DPP9: variants seen among roughly 807,000 people sequenced by gnomAD.
DPP9 encodes the protein dipeptidyl peptidase 9, also known as dipeptidyl peptidase IV-related protein-2.
Under a neutral mutation model 110.7 loss-of-function variants are expected in DPP9, and 50 were observed. That is an observed-to-expected ratio of 0.45 (90% CI 0.36 to 0.57). The LOEUF is 0.57. Among genes scored for constraint, DPP9 ranks in the 20% least tolerant of loss-of-function variants. The pLI, the probability that DPP9 is intolerant of heterozygous loss-of-function variation, is 0.00. For missense variants in DPP9, 1,022 were observed against 1,217.9 expected (o/e 0.84, Z 2.39); for synonymous variants, 561 against 514.4 (o/e 1.09, Z -1.23).
At chr19:4,679,682 C>G (rs1490144368) in intron 21 of DPP9, 153 bp downstream of exon 21, 4 of 602,098 alleles carry the variant, frequency 6.6e-6, no homozygotes, top group Non-Finnish European at 1.2e-5. Flanking sequence ...GCTGGGAGGG[C>G]GGGGACACAG....
chr19:4,707,516 C>G (rs1292139693), intron 4 of DPP9, among the ~76,000 whole-genome samples: 1 of 152,034 alleles, frequency 6.6e-6, no homozygotes, highest in Non-Finnish European at 1.5e-5. Context: ...GCCCGGTGCC[C>G]TGGCCCCTCC....
intron 2 of DPP9, among the ~76,000 whole-genome samples, chr19:4,720,397 G>A (rs1045824792): frequency 1.3e-5 from 2 of 152,088 alleles, no homozygotes; most frequent in South Asian, 2.1e-4. Flanking sequence ...TCTGCACGAC[G>A]CACCCCGTGG....
rs571394746 is a variant in DPP9, at chr19:4,718,275, C to T, written c.56+1576G>A. On this transcript the variant is annotated intron_variant, in intron 3 of 21. Transcript: ENST00000262960. This position sits in a 1 kb window ranked among gnomAD's most constrained non-coding sequence, Gnocchi z 4.3. Reference sequence around the variant, plus strand: ...CTGGTGCTTTGGTGGCGAGCGGGGGCGGGGGAGTAGTTGGAGATGGGGGAA... The same window carrying T: ...CTGGTGCTTTGGTGGCGAGCGGGGGTGGGGGAGTAGTTGGAGATGGGGGAA... 1.3e-5 allele frequency among the ~76,000 whole-genome samples: 2 copies of T among 151,584 alleles called. No homozygotes were observed. The highest frequency in any genetic ancestry group is 2.1e-4 in the South Asian group (1 of 4,792).
At chr19:4,706,059 C>T in intron 4 of DPP9, 89 bp from the exon 5 acceptor site, 1 of 1,176,432 alleles carries the variant, frequency 8.5e-7, no homozygotes, top group Non-Finnish European at 1.2e-6. Context: ...AGCTGGTTCC[C>T]TCTGCTTCTA....
At chr19:4,683,320 G>A in intron 19 of DPP9, 157 bp downstream of exon 19, 1 of 1,457,258 alleles carries the variant, frequency 6.9e-7, no homozygotes, top group South Asian at 1.4e-5. Flanking sequence ...GGCCCCGTGG[G>A]GCTGCTGCAG....
chr19:4,695,417 CG>C lies in DPP9; in HGVS notation c.1313del (p.Pro438ArgfsTer53), dbSNP rs778578913. 6.3e-7 allele frequency: 1 copy of C among 1,593,564 alleles called. No homozygotes were observed. The highest frequency in any genetic ancestry group is 1.7e-5 in the Admixed American group (1 of 57,432). On this transcript the variant is annotated frameshift_variant, in exon 12 of 22. Transcript: ENST00000262960. LOFTEE classifies it high-confidence loss of function. This position sits in a 1 kb window ranked among gnomAD's most constrained non-coding sequence, Gnocchi z 4.7. ...SARAVPRNVQPYVVYEEVTNV... is the reference protein window; with the variant it reads ...SARAVPRNVQXYVVYEEVTNV... ...TGGTGACCTCCTCGTACACCACATACGGCTGGACATTCCTGGGGACAGCTCT... is the reference window on the plus strand; with the variant it reads ...TGGTGACCTCCTCGTACACCACATACGCTGGACATTCCTGGGGACAGCTCT...
In DPP9 at chr19:4,687,942, G is replaced by A. The variant is rs947915048; in HGVS notation, c.1885+815C>T. Among the ~76,000 whole-genome samples, 5 of 151,918 alleles carry A rather than the reference G, an allele frequency of 3.3e-5. No individual in the cohort carries two copies. The highest frequency in any genetic ancestry group is 4.2e-4 in the South Asian group (2 of 4,818). Reference sequence around the variant, plus strand: ...CCTCCCGAGTAGTGGGACTACAGGCGCCCGCCACCATGCTCGGCTAATTTT... The same window carrying A: ...CCTCCCGAGTAGTGGGACTACAGGCACCCGCCACCATGCTCGGCTAATTTT... On this transcript the variant is annotated intron_variant, in intron 16 of 21. Coordinates refer to ENST00000262960, the MANE Select transcript of DPP9 (RefSeq NM_139159.5). This position sits in a 1 kb window ranked among gnomAD's most constrained non-coding sequence, Gnocchi z 4.7.
At position 4,700,866 on chromosome 19, in the gene DPP9, C is replaced by T. The variant is rs886432949; in HGVS notation, c.1013-589G>A. Among the ~76,000 whole-genome samples, 7 of 152,186 alleles carry T rather than the reference C, an allele frequency of 4.6e-5. No individual in the cohort carries two copies. The highest frequency in any genetic ancestry group is 2.1e-4 in the South Asian group (1 of 4,830). ...ATGCTTATTTTTTTGGCTAGACCTA[C>T]GAGAAACTCAACTCCAGCCCTCGTG... On this transcript the variant is annotated intron_variant, in intron 9 of 21. Transcript: ENST00000262960. The surrounding 1 kb of genome is among the most constrained non-coding windows in gnomAD (Gnocchi z 4.3).
At chr19:4,677,905 A>G (rs746466698) in intron 21 of DPP9, among the ~76,000 whole-genome samples, 31 of 152,144 alleles carry the variant, frequency 2.0e-4, no homozygotes, top group Non-Finnish European at 3.8e-4. Flanking sequence ...ATTTGTGTAT[A>G]AAGAGGGCCT....
At chr19:4,709,948 C>G (rs1233778030) in intron 4 of DPP9, among the ~76,000 whole-genome samples, 3 of 152,206 alleles carry the variant, frequency 2.0e-5, no homozygotes, top group Admixed American at 2.0e-4. Flanking sequence ...TCCTTCTAGG[C>G]TGATTAATCA....
intron 4 of DPP9, among the ~76,000 whole-genome samples, chr19:4,713,537 G>A (rs1201888659): frequency 5.3e-5 from 8 of 152,350 alleles, no homozygotes; most frequent in East Asian, 3.9e-4. Flanking sequence ...CTGCAAGCGC[G>A]TGGCAAGCCG....
chr19:4,709,079 G>A (rs1001975243), intron 4 of DPP9, among the ~76,000 whole-genome samples: 10 of 152,064 alleles, frequency 6.6e-5, no homozygotes, highest in South Asian at 2.1e-4. Context: ...CACCACACCC[G>A]GCTAATTTTT....
At chr19:4,701,138 C>T (rs2092224910) in intron 9 of DPP9, among the ~76,000 whole-genome samples, 1 of 152,176 alleles carries the variant, frequency 6.6e-6, no homozygotes, top group South Asian at 2.1e-4. Context: ...TTCTGTTTGG[C>T]TCCAGAGATA....
chr19:4,688,753 T>A lies in DPP9; in HGVS notation c.1885+4A>T, dbSNP rs2091033827. ...CTCCGTGGGGCGGGGCAGGGGCTAC[T>A]CACTGGCTGCCTCCATCATGCTAGC... On this transcript the variant is annotated splice_donor_region_variant and intron_variant, in intron 16 of 21. Coordinates refer to ENST00000262960, the MANE Select transcript of DPP9 (RefSeq NM_139159.5). 1 of 1,438,526 alleles carries A rather than the reference T, an allele frequency of 7.0e-7. No individual in the cohort carries two copies. Among genetic ancestry groups the A allele is most frequent in the Non-Finnish European group, 9.1e-7 (1 of 1,100,992 alleles). 89.1% of individuals were successfully genotyped at this position (1,438,526 alleles called of 1,614,324 possible). A position where few individuals can be genotyped will look rare whatever the true frequency, so the allele number is the denominator to read the frequency against.
At position 4,693,795 on chromosome 19, in the gene DPP9, C is replaced by T. The variant is rs1057312814; in HGVS notation, c.1516+866G>A. On this transcript the variant is annotated intron_variant, in intron 13 of 21. Coordinates refer to ENST00000262960, the MANE Select transcript of DPP9 (RefSeq NM_139159.5). This position sits in a 1 kb window ranked among gnomAD's most constrained non-coding sequence, Gnocchi z 5.0. ...TCCTGGAGCCCCAGCAGGCCCTGCA[C>T]CATCTGCTTTTTCTCTCCCCACCCT... Among the ~76,000 whole-genome samples, 2 of 152,056 alleles carry T rather than the reference C, an allele frequency of 1.3e-5. No homozygotes were observed. The highest frequency in any genetic ancestry group is 2.9e-5 in the Non-Finnish European group (2 of 67,956).
chr19:4,677,750 C>T (rs1161655464), intron 21 of DPP9, among the ~76,000 whole-genome samples: 5 of 152,214 alleles, frequency 3.3e-5, no homozygotes, highest in African/African-American at 1.2e-4. Flanking sequence ...GCCATATGCA[C>T]ATGTTGTGCC....
In DPP9 at chr19:4,685,505, A is replaced by C; in HGVS notation, c.2031+121T>G. On this transcript the variant is annotated intron_variant, in intron 17 of 21. Coordinates refer to ENST00000262960, the MANE Select transcript of DPP9 (RefSeq NM_139159.5). The surrounding 1 kb of genome is among the most constrained non-coding windows in gnomAD (Gnocchi z 5.8). ...CAGGGCAGGCGGGGTGGGCTGGGGC[A>C]CCAGGCAGGTAGCCGGGGAGCCTCC... 1.7e-6 allele frequency: 2 copies of C among 1,145,054 alleles called. No homozygotes were observed. The highest frequency in any genetic ancestry group is 5.1e-5 in the East Asian group (2 of 38,916). The allele number at this position is 1,145,054 out of a possible 1,614,324, so 70.9% of individuals were successfully genotyped here.
rs371119415 is a variant in DPP9, at chr19:4,702,017, G to A, written c.1012+10C>T. The A allele has an allele frequency of 4.7e-5, 75 of 1,611,902 alleles. No homozygotes were observed. In the Admixed American group the frequency reaches 7.0e-4, roughly 15 times the overall value. ...CCCGGCCCAGCCCCTCACATGTACC[G>A]GGCACTCACCTGTCCTGGGGTACCG... On this transcript the variant is annotated intron_variant, in intron 9 of 21. Transcript: ENST00000262960.
chr19:4,722,355 A>G, intron 2 of DPP9, 144 bp downstream of exon 2: 1 of 580,618 alleles, frequency 1.7e-6, no homozygotes, highest in Non-Finnish European at 3.1e-6. Flanking sequence ...CGCACAAAAA[A>G]CTGCAGCCAC....
Sources: gnomAD v4.1 joint callset for allele counts (sites outside exome capture counted in the v4.1 genomes callset) on GRCh38, gnomAD v4.1.1 for gene constraint, Gnocchi (gnomAD v3.1) non-coding constraint, MANE v1.5 for transcripts, NCBI Gene and HGNC (gene_info 2026-07-23, HGNC 2026-07-21) for gene names.